The following KALRN variants were observed in gnomAD, a reference collection of about 807,000 sequenced individuals.
The protein encoded by KALRN is kalirin.
A neutral mutation model predicts 353.7 loss-of-function variants in KALRN; 70 were observed. The ratio of observed to expected loss-of-function variants is 0.20; its 90% CI spans 0.16 to 0.24. The LOEUF (loss-of-function observed/expected upper bound fraction) is 0.24. Among genes scored for constraint, KALRN ranks in the 10% least tolerant of loss-of-function variants. The probability of loss-of-function intolerance (pLI) is 1.00; values close to 1 mark genes in which losing one functional copy is unlikely to be tolerated. For synonymous variants in KALRN, 1,391 were observed against 1,434.8 expected, an observed-to-expected ratio of 0.97 and a Z score of 0.69; for missense variants, 2,791 against 3,756.7, an observed-to-expected ratio of 0.74 and a Z score of 6.72.
chr3:124,477,508 A>G (rs566179965), intron 27 of KALRN, among the ~76,000 whole-genome samples, 174 bp downstream of exon 27: 2 of 152,302 alleles, frequency 1.3e-5, no homozygotes, highest in African/African-American at 4.8e-5. Flanking sequence ...ATTTTGTTTT[A>G]TCTCATCCTA....
chr3:124,298,160 C>T (rs1240188968), intron 5 of KALRN, among the ~76,000 whole-genome samples: 1 of 152,096 alleles, frequency 6.6e-6, no homozygotes, highest in Non-Finnish European at 1.5e-5. Flanking sequence ...AAGTGAAAAC[C>T]AGGGTATGGA....
At chr3:124,348,090 T>TGA (rs1461784673) in intron 10 of KALRN, among the ~76,000 whole-genome samples, 11 of 152,212 alleles carry the variant, frequency 7.2e-5, no homozygotes, top group Admixed American at 2.6e-4. Flanking sequence ...CGAGATGAAA[T>TGA]ACTGCTCTCC....
At chr3:124,523,163 T>A (rs1423330411) in intron 33 of KALRN, among the ~76,000 whole-genome samples, 2 of 152,224 alleles carry the variant, frequency 1.3e-5, no homozygotes, top group Non-Finnish European at 2.9e-5. Context: ...AGCTATCAAG[T>A]CTGAGACTCC....
At chr3:124,685,102 A>G (rs891586685) in intron 51 of KALRN, among the ~76,000 whole-genome samples, 1 of 152,206 alleles carries the variant, frequency 6.6e-6, no homozygotes, top group Non-Finnish European at 1.5e-5. Flanking sequence ...TCCGCATTTT[A>G]TAAAAAGAAT....
At chr3:124,563,165 C>A in intron 34 of KALRN, 76 bp downstream of exon 34, 4 of 1,302,372 alleles carry the variant, frequency 3.1e-6, no homozygotes, top group Non-Finnish European at 4.1e-6. Flanking sequence ...TGAAGACCAC[C>A]ATGGAAGTGA....
At chr3:124,445,455 C>T (rs1237496992) in intron 19 of KALRN, among the ~76,000 whole-genome samples, 1 of 152,210 alleles carries the variant, frequency 6.6e-6, no homozygotes, top group East Asian at 1.9e-4. Context: ...ATAGCATGGA[C>T]TGAATACCTA....
chr3:124,355,709 CTTTTTTTT>C (rs3055894), intron 10 of KALRN, among the ~76,000 whole-genome samples: 173 of 97,396 alleles, frequency 1.8e-3, no homozygotes, highest in African/African-American at 4.4e-3. Flanking sequence ...TCTCTCCCAT[CTTTTTTTT>C]TTTTTTTTTT....
chr3:124,236,552 G>T (rs2079794106), intron 3 of KALRN, among the ~76,000 whole-genome samples: 1 of 152,174 alleles, frequency 6.6e-6, no homozygotes, highest in South Asian at 2.1e-4. Flanking sequence ...TGGGATCCCG[G>T]AAGACACAAA....
chr3:124,349,349 C>A (rs1346071769), intron 10 of KALRN, among the ~76,000 whole-genome samples: 33 of 152,182 alleles, frequency 2.2e-4, no homozygotes, highest in Admixed American at 2.2e-3. Flanking sequence ...TTGTTTAATG[C>A]AAGCTTATCC....
intron 13 of KALRN, among the ~76,000 whole-genome samples, chr3:124,403,281 A>AAT (rs1440214992): frequency 1.3e-5 from 2 of 152,210 alleles, no homozygotes; most frequent in Non-Finnish European, 2.9e-5. Context: ...TGCACAATAT[A>AAT]ATATATATAC....
intron 26 of KALRN, among the ~76,000 whole-genome samples, 193 bp from the exon 27 acceptor site, chr3:124,477,052 G>A (rs572975976): frequency 6.6e-6 from 1 of 152,212 alleles, no homozygotes; most frequent in South Asian, 2.1e-4. Flanking sequence ...TCCACGTGCT[G>A]ACAGGAGAAA....
At chr3:124,068,643 G>C (rs114553356) in intron 1 of KALRN, among the ~76,000 whole-genome samples, 3,009 of 152,232 alleles carry the variant, frequency 0.02, 38 homozygotes, top group Middle Eastern at 0.068. Flanking sequence ...GAACATCAAG[G>C]CCTCTGCCCT....
At chr3:124,294,061 A>G (rs921448288) in intron 5 of KALRN, among the ~76,000 whole-genome samples, 2 of 152,120 alleles carry the variant, frequency 1.3e-5, no homozygotes, top group Admixed American at 6.5e-5. Context: ...AAGAGGAGGT[A>G]GAGAAGGAGG....
At chr3:124,255,939 G>A (rs1243491951) in intron 3 of KALRN, among the ~76,000 whole-genome samples, 5 of 152,222 alleles carry the variant, frequency 3.3e-5, no homozygotes. Flanking sequence ...CATGGATAAT[G>A]TGTTGTCTGT....
At chr3:124,155,043 A>G (rs1314062209) in intron 1 of KALRN, among the ~76,000 whole-genome samples, 1 of 152,236 alleles carries the variant, frequency 6.6e-6, no homozygotes, top group Non-Finnish European at 1.5e-5. Context: ...TGCTGGGAAA[A>G]CTGGCTAGCC....
At chr3:124,669,959 TTTTC>T (rs2086184035) in intron 47 of KALRN, among the ~76,000 whole-genome samples, 1 of 136,116 alleles carries the variant, frequency 7.3e-6, no homozygotes, top group East Asian at 2.1e-4. Context: ...CCCCCATATA[TTTTC>T]TTTTTTTTTT....
intron 6 of KALRN, among the ~76,000 whole-genome samples, chr3:124,318,655 C>T (rs2079038465): frequency 6.6e-6 from 1 of 152,140 alleles, no homozygotes; most frequent in South Asian, 2.1e-4. Context: ...CTTACTGATA[C>T]TGAATGTTAC....
rs1380337670 is a variant in KALRN, at chr3:124,450,125, T to C, written c.3552+3240T>C. ...TTAACTTTTTGAGGAACTGCTAAAC[T>C]GTTTTTCAAAGTAGGTATACCATTT... On this transcript the variant is annotated intron_variant, in intron 21 of 59. Transcript: ENST00000682506. Among the ~76,000 whole-genome samples, 3 of 152,298 alleles carry C rather than the reference T, an allele frequency of 2.0e-5. No homozygotes were observed. In the East Asian group the frequency reaches 5.8e-4, roughly 29 times the overall value.
intron 1 of KALRN, among the ~76,000 whole-genome samples, chr3:124,156,300 T>C (rs1216170483): frequency 1.3e-5 from 2 of 152,218 alleles, no homozygotes; most frequent in South Asian, 2.1e-4. Context: ...ACAGCTTCTT[T>C]TGTAAGTTTC....
Sources: allele counts gnomAD v4.1 joint callset (sites outside exome capture counted in the v4.1 genomes callset), GRCh38; gene constraint gnomAD v4.1.1; transcripts MANE v1.5; gene names NCBI Gene and HGNC (gene_info 2026-07-23, HGNC 2026-07-21).